EGFL6: variants seen among roughly 807,000 people sequenced by gnomAD.
EGFL6 encodes the protein EGF like domain multiple 6, also known as epidermal growth factor-like protein 6.
Under a neutral mutation model 43.1 loss-of-function variants are expected in EGFL6, and 42 were observed. The ratio of observed to expected loss-of-function variants is 0.98; its 90% CI spans 0.76 to 1.26. EGFL6 has a LOEUF of 1.26. EGFL6 is among the 50% of genes most tolerant of loss of function. The probability of loss-of-function intolerance (pLI) is 0.00; values close to 1 mark genes in which losing one functional copy is unlikely to be tolerated. For synonymous variants in EGFL6, 164 were observed against 163.2 expected (o/e 1.01, Z -0.04); for missense variants, 429 against 427.8 (o/e 1.00, Z -0.02).
chrX:13,600,280 C>CTTTTTTTTTT (rs1231725425), intron 4 of EGFL6, among the ~76,000 whole-genome samples, 186 bp downstream of exon 4: 7 of 44,280 alleles, frequency 1.6e-4, no homozygotes, highest in South Asian at 2.8e-3. Flanking sequence ...TTTCTTTCTT[C>CTTTTTTTTTT]TTTTTTTTTT....
At chrX:13,571,018 T>C (rs2045438798) in intron 1 of EGFL6, among the ~76,000 whole-genome samples, 1 of 110,714 alleles carries the variant, frequency 9.0e-6, no homozygotes, top group South Asian at 3.8e-4. Flanking sequence ...TTTGTTGGGG[T>C]GATGGGCTGC....
intron 7 of EGFL6, among the ~76,000 whole-genome samples, chrX:13,612,598 C>A (rs1443718188): frequency 3.6e-5 from 4 of 111,263 alleles, no homozygotes; most frequent in Non-Finnish European, 5.7e-5. Flanking sequence ...GGCAGAGGGG[C>A]TCCTCACTTC....
At chrX:13,570,173 A>T (rs62586104) in intron 1 of EGFL6, among the ~76,000 whole-genome samples, 42,261 of 110,002 alleles carry the variant, frequency 0.38, 6,014 homozygotes, top group Admixed American at 0.54. Context: ...GCTGTGCCCC[A>T]CCTGGCTGCG....
chrX:13,618,146 T>A, intron 8 of EGFL6, 93 bp downstream of exon 8: 2 of 899,368 alleles, frequency 2.2e-6, no homozygotes, highest in East Asian at 3.3e-5. Context: ...TTTCACAGCT[T>A]AAGTAAAATG....
Position 13,569,940 on chromosome X carries a change from G to A in EGFL6, c.74+5G>A, listed in dbSNP as rs768339253. The stretch of plus-strand genomic sequence containing the variant: ...TGGTTTCGGGAACGCGGCCAGGTGA[G>A]TGTCTGACTGGCGATTGGCTTCCCC... On this transcript the variant is annotated splice_donor_5th_base_variant and intron_variant, in intron 1 of 11. Coordinates refer to ENST00000361306, the MANE Select transcript of EGFL6 (RefSeq NM_015507.4). 2 of 1,210,412 alleles carry A rather than the reference G, an allele frequency of 1.7e-6. No individual in the cohort carries two copies. Among genetic ancestry groups the A allele is most frequent in the East Asian group, 3.0e-5 (1 of 33,819 alleles).
chrX:13,620,727 CA>C (rs1340850619), intron 9 of EGFL6, among the ~76,000 whole-genome samples: 2 of 111,303 alleles, frequency 1.8e-5, no homozygotes, highest in African/African-American at 6.5e-5. Context: ...TTTCATTGTA[CA>C]GGGGGTAAGC....
intron 1 of EGFL6, among the ~76,000 whole-genome samples, chrX:13,582,079 T>C (rs1223134204): frequency 4.4e-4 from 48 of 109,525 alleles, no homozygotes; most frequent in African/African-American, 1.5e-3. Flanking sequence ...TTTTTTCTTT[T>C]TGAGATGGAG....
At chrX:13,591,597 G>T (rs1956292137) in intron 2 of EGFL6, among the ~76,000 whole-genome samples, 2 of 111,582 alleles carry the variant, frequency 1.8e-5, no homozygotes, top group East Asian at 2.8e-4. Context: ...TTCCCTGATT[G>T]CTGGGTTTCT....
intron 9 of EGFL6, among the ~76,000 whole-genome samples, chrX:13,622,114 A>G (rs749208179): frequency 1.8e-5 from 2 of 112,629 alleles, no homozygotes; most frequent in African/African-American, 6.4e-5. Context: ...AGAATACTGA[A>G]GACTGGAAGC....
At chrX:13,605,940 A>G (rs1290816334) in intron 5 of EGFL6, among the ~76,000 whole-genome samples, 1 of 112,662 alleles carries the variant, frequency 8.9e-6, no homozygotes, top group African/African-American at 3.2e-5. Flanking sequence ...TGCAAATTGT[A>G]AAAGTCTGTG....
In EGFL6 at chrX:13,595,015, G is replaced by GT. The variant is rs762402740; in HGVS notation, c.280+94dup. The GT allele has an allele frequency of 4.9e-3, 3,315 of 672,702 alleles. 9 individuals carry two copies. Among genetic ancestry groups the GT allele is most frequent in the Non-Finnish European group, 6.1e-3 (2,847 of 469,758 alleles). The allele number at this position is 672,702 out of a possible 1,213,427, so 55.4% of individuals were successfully genotyped here. A position where few individuals can be genotyped will look rare whatever the true frequency, so the allele number is the denominator to read the frequency against. On this transcript the variant is annotated intron_variant, in intron 3 of 11. Transcript: ENST00000361306. ...AATATGGTACGCAGGATTTCTTAGGGTTTTTTTAAAGTCAAATCTTCAAAT... is the reference window on the plus strand; with the variant it reads ...AATATGGTACGCAGGATTTCTTAGGGTTTTTTTTAAAGTCAAATCTTCAAAT...
intron 7 of EGFL6, among the ~76,000 whole-genome samples, chrX:13,613,091 G>A: frequency 9.3e-6 from 1 of 107,318 alleles, no homozygotes; most frequent in Middle Eastern, 4.9e-3. Context: ...ATTGCAGTGA[G>A]CTGAGATCGT....
chrX:13,598,974 C>A, intron 3 of EGFL6, among the ~76,000 whole-genome samples: 1 of 101,624 alleles, frequency 9.8e-6, no homozygotes, highest in African/African-American at 3.6e-5. Flanking sequence ...TTAAATCATC[C>A]AGCCCAAATG....
intron 1 of EGFL6, among the ~76,000 whole-genome samples, chrX:13,584,316 T>A (rs2045523539): frequency 8.9e-6 from 1 of 111,739 alleles, no homozygotes; most frequent in Admixed American, 9.5e-5. Context: ...AACAATGTAC[T>A]AACCTGGTGT....
chrX:13,597,211 A>G (rs2045602943), intron 3 of EGFL6, among the ~76,000 whole-genome samples: 1 of 112,249 alleles, frequency 8.9e-6, no homozygotes, highest in African/African-American at 3.2e-5. Context: ...CCCCAGTCCT[A>G]TAAGGAAGTT....
intron 5 of EGFL6, among the ~76,000 whole-genome samples, chrX:13,604,157 C>A: frequency 9.0e-6 from 1 of 111,360 alleles, no homozygotes; most frequent in South Asian, 3.8e-4. Flanking sequence ...GTGATCCCAG[C>A]CTGAAATCCC....
intron 1 of EGFL6, among the ~76,000 whole-genome samples, 186 bp downstream of exon 1, chrX:13,570,121 C>T (rs2146957888): frequency 8.9e-6 from 1 of 112,459 alleles, no homozygotes; most frequent in Admixed American, 9.3e-5. Flanking sequence ...TCCCTGCTCT[C>T]CTGTGGCGGG....
At chrX:13,619,085 T>G in intron 8 of EGFL6, 78 bp from the exon 9 acceptor site, 2 of 765,009 alleles carry the variant, frequency 2.6e-6, no homozygotes, top group Non-Finnish European at 4.0e-6. Context: ...ACCTTCTTTG[T>G]TTGGTCATTT....
At chrX:13,582,360 C>G (rs2045511898) in intron 1 of EGFL6, among the ~76,000 whole-genome samples, 1 of 110,989 alleles carries the variant, frequency 9.0e-6, no homozygotes. Context: ...TGCGCCCGGC[C>G]GAGTTGATTC....
Sources: allele counts gnomAD v4.1 joint callset (sites outside exome capture counted in the v4.1 genomes callset), GRCh38; gene constraint gnomAD v4.1.1; transcripts MANE v1.5; gene names NCBI Gene and HGNC (gene_info 2026-07-23, HGNC 2026-07-21).